The following SYCP1 variants were observed in gnomAD, a reference collection of about 807,000 sequenced individuals.
SYCP1 encodes cancer/testis antigen 8.
In SYCP1, 64 loss-of-function variants were observed where a neutral mutation model predicts 153.1. That is an observed-to-expected ratio of 0.42 (90% CI 0.34 to 0.51). The LOEUF is 0.51. SYCP1 is among the 20% of genes least tolerant of loss of function. The pLI is 0.06. For synonymous variants in SYCP1, 384 were observed against 341.8 expected, an observed-to-expected ratio of 1.12 and a Z score of -1.36; for missense variants, 997 against 1,049.0, an observed-to-expected ratio of 0.95 and a Z score of 0.68.
intron 23 of SYCP1, among the ~76,000 whole-genome samples, chr1:114,939,000 G>T (rs1670214234): frequency 6.6e-6 from 1 of 151,932 alleles, no homozygotes; most frequent in African/African-American, 2.4e-5. Context: ...ACAATTTTGT[G>T]GTTCCCCAAA....
chr1:114,886,410 A>C, intron 14 of SYCP1, 101 bp downstream of exon 14: 1 of 1,014,338 alleles, frequency 9.9e-7, no homozygotes, highest in East Asian at 2.9e-5. Flanking sequence ...TGATGTGTGT[A>C]ATTCATATAA....
At chr1:114,860,885 CT>C in intron 8 of SYCP1, 76 bp downstream of exon 8, 1 of 1,185,128 alleles carries the variant, frequency 8.4e-7, no homozygotes, top group Non-Finnish European at 1.2e-6. Context: ...AGAAATTGTC[CT>C]TTTAATTTTT....
At chr1:114,892,381 G>T (rs532234017) in intron 15 of SYCP1, among the ~76,000 whole-genome samples, 3 of 152,068 alleles carry the variant, frequency 2.0e-5, no homozygotes, top group Admixed American at 1.3e-4. Flanking sequence ...GTTGTAGGTG[G>T]CAGCAGCTAT....
chr1:114,855,295 T>C (rs1469253830), intron 1 of SYCP1, 146 bp from the exon 2 acceptor site: 3 of 424,790 alleles, frequency 7.1e-6, no homozygotes, highest in Non-Finnish European at 1.3e-5. Context: ...AGCGACGTTG[T>C]AGGGCTCCAC....
intron 30 of SYCP1, among the ~76,000 whole-genome samples, chr1:114,989,960 T>C (rs1673808506): frequency 6.6e-6 from 1 of 151,904 alleles, no homozygotes; most frequent in Non-Finnish European, 1.5e-5. Context: ...AGACAGAAGA[T>C]AAGGAGATAG....
Position 114,923,526 on chromosome 1 carries a change from A to G in SYCP1, c.1796A>G (p.Glu599Gly). ...AAATGTAAATTGGACAAGAGTGAAG[A>G]AAATGTATGTTATATTTAATAATGG... ...EVKCKLDKSE[E>G]NCNNLRKQVE... The change falls in exon 21 of 32, where the codon GAA becomes GGA. Residue 599 changes from glutamate (E) to glycine (G), a missense_variant. This residue lies in a region of SYCP1 where 712 missense variants were observed against 682.9 expected (regional missense o/e 1.04). Transcript: ENST00000369522. 6.3e-7 allele frequency: 1 copy of G among 1,584,402 alleles called. No individual in the cohort carries two copies. The highest frequency in any genetic ancestry group is 2.3e-5 in the East Asian group (1 of 44,046).
chr1:114,932,155 TTTC>T (rs1669675551), intron 23 of SYCP1, among the ~76,000 whole-genome samples: 1 of 152,164 alleles, frequency 6.6e-6, no homozygotes, highest in African/African-American at 2.4e-5. Flanking sequence ...TCAGCAAAGA[TTTC>T]TTAGGGCAAA....
At chr1:114,981,652 G>A (rs1570912300) in intron 29 of SYCP1, 140 bp downstream of exon 29, 1 of 750,766 alleles carries the variant, frequency 1.3e-6, no homozygotes. Flanking sequence ...GTATCAGCAT[G>A]AAATGTAAAG....
intron 15 of SYCP1, among the ~76,000 whole-genome samples, chr1:114,888,613 T>A (rs1666472309): frequency 6.6e-6 from 1 of 152,132 alleles, no homozygotes; most frequent in African/African-American, 2.4e-5. Context: ...AACTTTAAAT[T>A]AGAATGGTTA....
intron 12 of SYCP1, among the ~76,000 whole-genome samples, chr1:114,878,739 C>T (rs1310201177): frequency 6.6e-6 from 1 of 152,084 alleles, no homozygotes; most frequent in Non-Finnish European, 1.5e-5. Flanking sequence ...GACGGGTTTT[C>T]GCCTTGTTGG....
At chr1:114,881,635 TG>T (rs1665949546) in intron 12 of SYCP1, among the ~76,000 whole-genome samples, 1 of 151,930 alleles carries the variant, frequency 6.6e-6, no homozygotes, top group South Asian at 2.1e-4. Flanking sequence ...CCTGAGTAGC[TG>T]GGATACAGGC....
intron 16 of SYCP1, chr1:114,909,966 A>G (rs1274604386): frequency 1.3e-5 from 2 of 152,614 alleles, no homozygotes; most frequent in Admixed American, 6.5e-5. Context: ...TTACAGTAAC[A>G]TTTATGATGA....
At chr1:114,934,505 C>T (rs360662) in intron 23 of SYCP1, among the ~76,000 whole-genome samples, 67,917 of 151,908 alleles carry the variant, frequency 0.45, 16,672 homozygotes, top group Middle Eastern at 0.59. Flanking sequence ...CATCAAATAA[C>T]GAGCAAAATA....
chr1:114,974,664 G>C (rs1417644620), intron 27 of SYCP1, among the ~76,000 whole-genome samples: 1 of 151,704 alleles, frequency 6.6e-6, no homozygotes, highest in Non-Finnish European at 1.5e-5. Context: ...TATGTAACAG[G>C]ATGCCCTTTT....
chr1:114,858,775 A>G, intron 6 of SYCP1, 64 bp downstream of exon 6: 1 of 1,362,114 alleles, frequency 7.3e-7, no homozygotes, highest in Non-Finnish European at 1.0e-6. Flanking sequence ...TGTTGAAAGT[A>G]GAGTATTAGT....
chr1:114,975,699 C>T (rs957933373), intron 27 of SYCP1, among the ~76,000 whole-genome samples: 1 of 151,724 alleles, frequency 6.6e-6, no homozygotes, highest in Non-Finnish European at 1.5e-5. Context: ...ACTGTCTTAA[C>T]TTCTAATTAA....
At chr1:114,991,128 G>A (rs1673890455) in intron 30 of SYCP1, among the ~76,000 whole-genome samples, 2 of 151,924 alleles carry the variant, frequency 1.3e-5, no homozygotes. Flanking sequence ...TATTAAAATT[G>A]TGATTATTAT....
At chr1:114,991,693 C>A (rs779793882) in intron 30 of SYCP1, among the ~76,000 whole-genome samples, 8 of 151,786 alleles carry the variant, frequency 5.3e-5, no homozygotes, top group Non-Finnish European at 7.4e-5. Flanking sequence ...CCCTAGCTAA[C>A]ATCATACTCA....
At chr1:114,971,451 C>G (rs1011299103) in intron 27 of SYCP1, among the ~76,000 whole-genome samples, 17 of 152,188 alleles carry the variant, frequency 1.1e-4, no homozygotes, top group Non-Finnish European at 2.4e-4. Flanking sequence ...TTCACTCCCT[C>G]TGTACTCCCA....
Sources: gnomAD v4.1 joint callset for allele counts (sites outside exome capture counted in the v4.1 genomes callset) on GRCh38, gnomAD v4.1.1 for gene constraint, gnomAD v4.1.1 regional missense constraint, MANE v1.5 for transcripts, NCBI Gene and HGNC (gene_info 2026-07-23, HGNC 2026-07-21) for gene names.